ELOVL4: variants seen among roughly 807,000 people sequenced by gnomAD.
ELOVL4 encodes the protein very long chain fatty acid elongase 4.
ELOVL4 carries 18 observed loss-of-function variants against 42.1 expected under a neutral mutation model. That is an observed-to-expected ratio of 0.43 (90% CI 0.30 to 0.63). The LOEUF (loss-of-function observed/expected upper bound fraction) is 0.63, where lower values mean the gene tolerates loss of function less well. ELOVL4 is among the 30% of genes least tolerant of loss of function. The probability of loss-of-function intolerance (pLI) is 0.15; values close to 1 mark genes in which losing one functional copy is unlikely to be tolerated. For synonymous variants in ELOVL4, 117 were observed against 127.0 expected (o/e 0.92, Z 0.53); for missense variants, 299 against 376.2 (o/e 0.79, Z 1.70).
In ELOVL4 at chr6:79,916,172, A is replaced by G; in HGVS notation, c.*436T>C. On this transcript the variant is annotated 3_prime_UTR_variant, in exon 6 of 6. Coordinates refer to ENST00000369816, the MANE Select transcript of ELOVL4 (RefSeq NM_022726.4). ...TGTATACACATTTTCAGCTTTGGAC[A>G]AGAAAATGTAACACCACTGATTTCA... The G allele has an allele frequency of 5.4e-6, 1 of 184,518 alleles. No homozygotes were observed. Among genetic ancestry groups the G allele is most frequent in the Non-Finnish European group, 1.1e-5 (1 of 87,016 alleles). 11.4% of individuals were successfully genotyped at this position (184,518 alleles called of 1,614,324 possible).
rs1303070753 is a variant in ELOVL4 at position 79,916,721 on chromosome 6, C to T, written c.832G>A (p.Ala278Thr). 1.2e-6 allele frequency: 2 copies of T among 1,613,926 alleles called. No homozygotes were observed. Among genetic ancestry groups the T allele is most frequent in the Non-Finnish European group, 1.7e-6 (2 of 1,180,024 alleles). The change falls in exon 6 of 6, where the codon GCT becomes ACT. Residue 278 changes from alanine to threonine, a missense_variant. Coordinates refer to ENST00000369816, the MANE Select transcript of ELOVL4 (RefSeq NM_022726.4). ...ATACCATTCATGGCTGTTTTTCCAG[C>T]TTTTGGTTTCTTAGGCTCTTTGTAT... ...RTYKEPKKPK[A>T]GKTAMNGISA...
At chr6:79,942,094 G>A (rs1425058014) in intron 1 of ELOVL4, among the ~76,000 whole-genome samples, 11 of 152,124 alleles carry the variant, frequency 7.2e-5, no homozygotes, top group Non-Finnish European at 1.6e-4. Context: ...GGAAAAGGTG[G>A]GTAAAGGCAA....
chr6:79,922,703 G>C lies in ELOVL4; in HGVS notation c.370-907C>G, dbSNP rs533164176. ...GCCCTGTCAGATTCATTCACAGACAGGCTTAGGTGTTTTAGAGTTGAAGGA... is the reference window on the plus strand; with the variant it reads ...GCCCTGTCAGATTCATTCACAGACACGCTTAGGTGTTTTAGAGTTGAAGGA... On this transcript the variant is annotated intron_variant, in intron 3 of 5. Coordinates refer to ENST00000369816, the MANE Select transcript of ELOVL4 (RefSeq NM_022726.4). 2.6e-5 allele frequency among the ~76,000 whole-genome samples: 4 copies of C among 152,294 alleles called. No homozygotes were observed. The South Asian group carries it at 8.3e-4, about 32-fold the overall frequency.
chr6:79,926,459 G>A, intron 1 of ELOVL4, 78 bp from the exon 2 acceptor site: 2 of 1,403,202 alleles, frequency 1.4e-6, no homozygotes, highest in East Asian at 4.9e-5. Flanking sequence ...GAATCAAGAT[G>A]TTTCAACTTA....
chr6:79,944,532 A>G (rs1336753227), intron 1 of ELOVL4, among the ~76,000 whole-genome samples: 1 of 152,220 alleles, frequency 6.6e-6, no homozygotes, highest in Non-Finnish European at 1.5e-5. Flanking sequence ...ACTGTAGTAA[A>G]AGTAACATTT....
intron 1 of ELOVL4, among the ~76,000 whole-genome samples, chr6:79,934,910 A>C (rs1774517659): frequency 6.6e-6 from 1 of 152,214 alleles, no homozygotes; most frequent in Non-Finnish European, 1.5e-5. Context: ...AATTACCATG[A>C]ATAATTAAAC....
chr6:79,916,612 T>C lies in ELOVL4; in HGVS notation c.941A>G (p.Asp314Gly). 6.2e-7 allele frequency: 1 copy of C among 1,613,912 alleles called. No homozygotes were observed. Reference protein sequence around the residue: ...KKQKNGKAKGD With the variant: ...KKQKNGKAKGG ...ACAGTTAAGGCCCAGTTCAATTTAA[T>C]CTCCTTTTGCTTTTCCATTTTTCTG... Residue 314 changes from aspartate to glycine, a missense_variant, in exon 6 of 6, where the codon GAT becomes GGT. Asp to Gly is a moderately conservative substitution (Grantham distance 94, BLOSUM62 -1). Coordinates refer to ENST00000369816, the MANE Select transcript of ELOVL4 (RefSeq NM_022726.4).
chr6:79,929,414 TA>T (rs1418697554), intron 1 of ELOVL4, among the ~76,000 whole-genome samples: 2 of 152,124 alleles, frequency 1.3e-5, no homozygotes, highest in East Asian at 3.9e-4. Context: ...TTACTTTTTG[TA>T]TTTTTTGTAG....
intron 1 of ELOVL4, among the ~76,000 whole-genome samples, chr6:79,943,135 A>G (rs1435600531): frequency 6.6e-6 from 1 of 152,226 alleles, no homozygotes; most frequent in Non-Finnish European, 1.5e-5. Context: ...AGATAATAAC[A>G]TAGATGAAAA....
chr6:79,920,556 T>C (rs899806431), intron 4 of ELOVL4, among the ~76,000 whole-genome samples: 11 of 152,220 alleles, frequency 7.2e-5, no homozygotes, highest in Middle Eastern at 3.2e-3. Flanking sequence ...CATAATGATG[T>C]GTCTTGGGGA....
In ELOVL4 at chr6:79,947,167, T is replaced by G. The variant is rs763149475; in HGVS notation, c.100+13A>C. ...GGGGGACCGAGCGAGGATGGGGAAG[T>G]CAGCGGCTTTACCTGCGATGGACCA... On this transcript the variant is annotated intron_variant, in intron 1 of 5. Coordinates refer to ENST00000369816, the MANE Select transcript of ELOVL4 (RefSeq NM_022726.4). 1 of 1,608,108 alleles carries G rather than the reference T, an allele frequency of 6.2e-7. No individual in the cohort carries two copies. Among genetic ancestry groups the G allele is most frequent in the Non-Finnish European group, 8.5e-7 (1 of 1,176,620 alleles).
At chr6:79,925,427 G>A (rs1774327032) in intron 2 of ELOVL4, among the ~76,000 whole-genome samples, 1 of 152,162 alleles carries the variant, frequency 6.6e-6, no homozygotes, top group Non-Finnish European at 1.5e-5. Context: ...TGTTCATGAA[G>A]TTGAGACTCG....
At chr6:79,919,612 T>G (rs1335136082) in intron 4 of ELOVL4, 65 bp from the exon 5 acceptor site, 49 of 1,415,840 alleles carry the variant, frequency 3.5e-5, no homozygotes, top group Middle Eastern at 3.7e-4. Flanking sequence ...GCCACTGAGA[T>G]GTACAATAAA....
intron 4 of ELOVL4, 108 bp from the exon 5 acceptor site, chr6:79,919,655 G>GA: frequency 1.0e-6 from 1 of 1,001,052 alleles, no homozygotes; most frequent in Non-Finnish European, 1.5e-6. Context: ...ATTTAATCTT[G>GA]AGTACAGATT....
chr6:79,944,307 G>A (rs138757342), intron 1 of ELOVL4, among the ~76,000 whole-genome samples: 6 of 152,020 alleles, frequency 3.9e-5, no homozygotes, highest in Non-Finnish European at 7.4e-5. Context: ...TGAAGTGAAA[G>A]AATAGAAGAA....
rs1774172447 is a variant in ELOVL4, at chr6:79,916,873, T to C, written c.680A>G (p.His227Arg). The change falls in exon 6 of 6, where the codon CAT (histidine) becomes CGT (arginine). Residue 227 changes from histidine (H) to arginine (R), a missense_variant. Transcript: ENST00000369816. ...CAGTGCCGTGTGCCCAATGGTCACA[T>C]GGAATTGAATCTGAAAAACAGAAAT... Reference protein sequence around the residue: ...YLTMLQLIQFHVTIGHTALSL... With the variant: ...YLTMLQLIQFRVTIGHTALSL... 3 of 1,614,100 alleles carry C rather than the reference T, an allele frequency of 1.9e-6. No homozygotes were observed. The highest frequency in any genetic ancestry group is 2.5e-6 in the Non-Finnish European group (3 of 1,180,002).
At chr6:79,934,012 G>A (rs1774501006) in intron 1 of ELOVL4, among the ~76,000 whole-genome samples, 1 of 152,182 alleles carries the variant, frequency 6.6e-6, no homozygotes, top group Non-Finnish European at 1.5e-5. Context: ...AAAGGAAGAG[G>A]AGCAGATCTG....
At chr6:79,929,032 TG>T in intron 1 of ELOVL4, among the ~76,000 whole-genome samples, 1 of 151,994 alleles carries the variant, frequency 6.6e-6, no homozygotes, top group African/African-American at 2.4e-5. Flanking sequence ...GTTCTAACAC[TG>T]GCTCTGCTAC....
intron 1 of ELOVL4, among the ~76,000 whole-genome samples, chr6:79,946,677 GAAGAA>G (rs1413659537): frequency 1.3e-5 from 2 of 152,246 alleles, no homozygotes; most frequent in African/African-American, 4.8e-5. Flanking sequence ...GAGCTAGATA[GAAGAA>G]AAGATTAGCA....
Sources: allele counts gnomAD v4.1 joint callset (sites outside exome capture counted in the v4.1 genomes callset), GRCh38; gene constraint gnomAD v4.1.1; transcripts MANE v1.5; gene names NCBI Gene and HGNC (gene_info 2026-07-23, HGNC 2026-07-21).